Variants in CTNNA3 observed in about 807,000 individuals in gnomAD.
CTNNA3 encodes catenin alpha 3, also known as catenin alpha-3.
In CTNNA3, 76 loss-of-function variants were observed where a neutral mutation model predicts 95.7. That is an observed-to-expected ratio of 0.79 (90% CI 0.66 to 0.96). The LOEUF (loss-of-function observed/expected upper bound fraction) is 0.96. Ranked by LOEUF, CTNNA3 falls within the 40% of genes least tolerant of loss-of-function variation. The pLI, the probability that CTNNA3 is intolerant of heterozygous loss-of-function variation, is 0.00. For missense variants in CTNNA3, 1,191 were observed against 1,089.8 expected (o/e 1.09, Z -1.31); for synonymous variants, 431 against 374.4 (o/e 1.15, Z -1.74).
At chr10:66,586,543 G>A (rs1463808302) in intron 10 of CTNNA3, among the ~76,000 whole-genome samples, 1 of 152,124 alleles carries the variant, frequency 6.6e-6, no homozygotes, top group Non-Finnish European at 1.5e-5. Flanking sequence ...AAGAAGGGTT[G>A]TAGCTCTACC....
At chr10:67,429,413 G>A (rs1171241094) in intron 5 of CTNNA3, among the ~76,000 whole-genome samples, 1 of 151,982 alleles carries the variant, frequency 6.6e-6, no homozygotes, top group East Asian at 1.9e-4. Flanking sequence ...ATGAATAAGT[G>A]TATAAAGACC....
intron 5 of CTNNA3, among the ~76,000 whole-genome samples, chr10:67,309,198 T>A (rs1840682030): frequency 6.6e-6 from 1 of 152,172 alleles, no homozygotes; most frequent in Non-Finnish European, 1.5e-5. Flanking sequence ...ATCTCTCACT[T>A]CCTTTATTGT....
chr10:67,719,512 T>C (rs1267078283), intron 1 of CTNNA3, among the ~76,000 whole-genome samples: 2 of 152,208 alleles, frequency 1.3e-5, no homozygotes, highest in Admixed American at 1.3e-4. Flanking sequence ...TTTGTTCTTA[T>C]TGGTTTCAAA....
intron 11 of CTNNA3, among the ~76,000 whole-genome samples, chr10:66,483,607 C>T (rs1207852509): frequency 6.6e-6 from 1 of 152,068 alleles, no homozygotes; most frequent in Non-Finnish European, 1.5e-5. Context: ...TCTTTACCTC[C>T]TACACCTCTA....
At chr10:66,503,104 G>C (rs1840334586) in intron 11 of CTNNA3, among the ~76,000 whole-genome samples, 1 of 152,054 alleles carries the variant, frequency 6.6e-6, no homozygotes, top group Non-Finnish European at 1.5e-5. Flanking sequence ...TTTTAACACT[G>C]GCCTGCCAAT....
chr10:67,145,913 A>T (rs568073347), intron 7 of CTNNA3, among the ~76,000 whole-genome samples: 2 of 152,314 alleles, frequency 1.3e-5, no homozygotes, highest in East Asian at 3.9e-4. Context: ...GATTTATTCT[A>T]CCTTGAAGGT....
intron 3 of CTNNA3, among the ~76,000 whole-genome samples, chr10:67,604,411 A>C (rs1420246060): frequency 6.6e-6 from 1 of 152,226 alleles, no homozygotes; most frequent in Non-Finnish European, 1.5e-5. Flanking sequence ...TTATTGAAAA[A>C]GATAGTCCCC....
At chr10:67,755,905 A>G (rs548721670) in intron 1 of CTNNA3, among the ~76,000 whole-genome samples, 1 of 152,306 alleles carries the variant, frequency 6.6e-6, no homozygotes, top group East Asian at 1.9e-4. Flanking sequence ...CACGATAGCC[A>G]AAATATGGAA....
intron 2 of CTNNA3, among the ~76,000 whole-genome samples, chr10:67,620,225 C>T (rs1843782960): frequency 6.6e-6 from 1 of 152,080 alleles, no homozygotes; most frequent in African/African-American, 2.4e-5. Flanking sequence ...AAGAACGCCC[C>T]ACAAAGCATA....
intron 1 of CTNNA3, among the ~76,000 whole-genome samples, chr10:67,747,301 G>T (rs1235071454): frequency 6.6e-6 from 1 of 152,184 alleles, no homozygotes; most frequent in East Asian, 1.9e-4. Flanking sequence ...TATTAAGTGG[G>T]TCCTGGATCC....
At chr10:66,521,110 T>C (rs1290058789) in intron 10 of CTNNA3, among the ~76,000 whole-genome samples, 5 of 151,400 alleles carry the variant, frequency 3.3e-5, no homozygotes, top group East Asian at 1.9e-4. Flanking sequence ...TCATCGACAA[T>C]AGGAAAAACA....
intron 13 of CTNNA3, 102 bp from the exon 14 acceptor site, chr10:66,103,351 T>C: frequency 1.2e-6 from 1 of 849,114 alleles, no homozygotes; most frequent in South Asian, 1.4e-5. Flanking sequence ...AAAGTTACCA[T>C]ATGACCCAGC....
intron 1 of CTNNA3, among the ~76,000 whole-genome samples, chr10:67,721,492 G>T (rs543183673): frequency 6.6e-6 from 1 of 152,046 alleles, no homozygotes; most frequent in African/African-American, 2.4e-5. Context: ...CTCGTGCTGT[G>T]TTTTTCAGCT....
intron 1 of CTNNA3, among the ~76,000 whole-genome samples, chr10:67,671,692 T>C (rs1371482490): frequency 2.0e-5 from 3 of 151,788 alleles, no homozygotes; most frequent in African/African-American, 7.3e-5. Context: ...CATGAACTCA[T>C]CATTTTTTAT....
intron 1 of CTNNA3, among the ~76,000 whole-genome samples, chr10:67,707,826 T>C (rs1387827818): frequency 1.3e-5 from 2 of 152,178 alleles, no homozygotes; most frequent in Non-Finnish European, 2.9e-5. Flanking sequence ...CAGAGATTGG[T>C]ATTCTATTAA....
At chr10:66,485,809 C>G (rs758313831) in intron 11 of CTNNA3, among the ~76,000 whole-genome samples, 3 of 151,952 alleles carry the variant, frequency 2.0e-5, no homozygotes, top group Non-Finnish European at 4.4e-5. Context: ...AAATAACAAA[C>G]CTAGAGGCAT....
intron 9 of CTNNA3, among the ~76,000 whole-genome samples, chr10:66,642,155 C>T (rs1192833501): frequency 6.6e-5 from 10 of 151,952 alleles, no homozygotes; most frequent in African/African-American, 2.4e-4. Context: ...CCTAACTTCT[C>T]ATATGAAAGT....
chr10:67,645,213 A>G (rs1243634955), intron 2 of CTNNA3, among the ~76,000 whole-genome samples: 1 of 152,036 alleles, frequency 6.6e-6, no homozygotes, highest in Non-Finnish European at 1.5e-5. Context: ...ACACACACAC[A>G]CTGTGACTAG....
At chr10:67,108,614 G>A (rs1858771971) in intron 7 of CTNNA3, among the ~76,000 whole-genome samples, 1 of 152,168 alleles carries the variant, frequency 6.6e-6, no homozygotes, top group East Asian at 1.9e-4. Context: ...GCTGTGAAAT[G>A]ATTGGGTTTG....
Sources: gnomAD v4.1 joint callset for allele counts (sites outside exome capture counted in the v4.1 genomes callset) on GRCh38, gnomAD v4.1.1 for gene constraint, MANE v1.5 for transcripts, NCBI Gene and HGNC (gene_info 2026-07-23, HGNC 2026-07-21) for gene names.